INVS: variants seen among roughly 807,000 people sequenced by gnomAD.
The protein encoded by INVS is inversin, also known as inversion of embryo turning homolog.
In INVS, 86 loss-of-function variants were observed where a neutral mutation model predicts 108.8. The ratio of observed to expected loss-of-function variants is 0.79; its 90% CI spans 0.66 to 0.95. INVS has a LOEUF of 0.95. Ranked by LOEUF, INVS falls within the 40% of genes least tolerant of loss-of-function variation. INVS has a pLI of 0.00. For missense variants in INVS, 1,169 were observed against 1,297.4 expected (o/e 0.90, Z 1.52); for synonymous variants, 455 against 473.5 (o/e 0.96, Z 0.51).
intron 3 of INVS, among the ~76,000 whole-genome samples, chr9:100,154,228 A>G (rs771613175): frequency 6.6e-6 from 1 of 151,974 alleles, no homozygotes; most frequent in Non-Finnish European, 1.5e-5. Flanking sequence ...CAGTGGCACA[A>G]TCATGGCTCA....
At chr9:100,146,527 G>A (rs562009736) in intron 3 of INVS, among the ~76,000 whole-genome samples, 104 of 152,314 alleles carry the variant, frequency 6.8e-4, no homozygotes, top group African/African-American at 2.4e-3. Flanking sequence ...CTGACACTTT[G>A]TGTCTGGCTT....
At chr9:100,139,456 C>T (rs1024391575) in intron 3 of INVS, among the ~76,000 whole-genome samples, 3 of 152,166 alleles carry the variant, frequency 2.0e-5, no homozygotes, top group East Asian at 3.8e-4. Context: ...GTCTCTAGCC[C>T]TAGCCTCTCC....
chr9:100,144,700 T>C (rs1259288206), intron 3 of INVS, among the ~76,000 whole-genome samples: 1 of 151,856 alleles, frequency 6.6e-6, no homozygotes, highest in Non-Finnish European at 1.5e-5. Flanking sequence ...AGAAGGATTA[T>C]AGGGTGGAGG....
intron 3 of INVS, among the ~76,000 whole-genome samples, chr9:100,225,045 C>A (rs1831268801): frequency 6.6e-6 from 1 of 151,622 alleles, no homozygotes; most frequent in Non-Finnish European, 1.5e-5. Flanking sequence ...AGTCTGGGAT[C>A]CAAACTTGGT....
chr9:100,122,205 T>G (rs1006915363), intron 2 of INVS, among the ~76,000 whole-genome samples: 2 of 152,202 alleles, frequency 1.3e-5, no homozygotes, highest in Non-Finnish European at 1.5e-5. Context: ...ATTTTTGTGT[T>G]CAGTTCTTCT....
chr9:100,113,464 G>A (rs566424911), intron 2 of INVS, among the ~76,000 whole-genome samples: 1 of 152,290 alleles, frequency 6.6e-6, no homozygotes, highest in African/African-American at 2.4e-5. Context: ...GGGTTCCAGC[G>A]TATCCAAGAT....
chr9:100,230,049 C>T (rs1193008088), intron 5 of INVS, among the ~76,000 whole-genome samples: 2 of 152,106 alleles, frequency 1.3e-5, no homozygotes, highest in Non-Finnish European at 2.9e-5. Flanking sequence ...CATTCATTCC[C>T]CCTACGCCGT....
intron 1 of INVS, among the ~76,000 whole-genome samples, chr9:100,103,419 G>C (rs143606087): frequency 0.02 from 3,084 of 151,774 alleles, 59 homozygotes; most frequent in Middle Eastern, 0.071. Flanking sequence ...TTGAGATCAG[G>C]AGTTCGAGAC....
At chr9:100,225,924 C>T in intron 3 of INVS, 138 bp from the exon 4 acceptor site, 1 of 634,396 alleles carries the variant, frequency 1.6e-6, no homozygotes, top group Non-Finnish European at 2.7e-6. Context: ...AGTGGAATTA[C>T]AAGCATTTTT....
At chr9:100,281,089 T>C (rs1833261575) in intron 12 of INVS, among the ~76,000 whole-genome samples, 1 of 152,196 alleles carries the variant, frequency 6.6e-6, no homozygotes, top group Non-Finnish European at 1.5e-5. Flanking sequence ...TGAAGTGGCA[T>C]CCCCAGCTTC....
At chr9:100,263,738 A>AT (rs1044089434) in intron 10 of INVS, among the ~76,000 whole-genome samples, 18 of 152,080 alleles carry the variant, frequency 1.2e-4, no homozygotes, top group African/African-American at 2.7e-4. Flanking sequence ...GGAGTGCATT[A>AT]TTTTTTTTGG....
intron 1 of INVS, among the ~76,000 whole-genome samples, chr9:100,103,489 G>A (rs117437066): frequency 1.3e-5 from 2 of 151,936 alleles, no homozygotes; most frequent in South Asian, 2.1e-4. Context: ...TTAGCCGGTC[G>A]TGATGGCAGG....
chr9:100,121,610 A>G (rs1361944317), intron 2 of INVS, among the ~76,000 whole-genome samples: 1 of 152,116 alleles, frequency 6.6e-6, no homozygotes, highest in South Asian at 2.1e-4. Context: ...TTAATGATCA[A>G]TCTGATTAGA....
intron 1 of INVS, among the ~76,000 whole-genome samples, chr9:100,100,778 A>AC (rs1826866242): frequency 2.1e-4 from 3 of 13,978 alleles, no homozygotes; most frequent in Non-Finnish European, 1.9e-4. Context: ...ATGTATATAT[A>AC]ATATATATTA....
intron 12 of INVS, among the ~76,000 whole-genome samples, chr9:100,279,527 ACG>A (rs1417330603): frequency 3.3e-5 from 5 of 152,194 alleles, no homozygotes. Context: ...TAATTCAATA[ACG>A]CTCTTCCTAT....
In INVS at chr9:100,104,560, A is replaced by T. The variant is rs770840878; in HGVS notation, c.39A>T (p.Ser13=). Residue 13 remains serine (S), a synonymous_variant, in exon 2 of 17, where the codon TCA becomes TCT. Coordinates refer to ENST00000262457, the MANE Select transcript of INVS (RefSeq NM_014425.5). ...KSENLLFAGS[S]LASQVHAAAV... ...AGAACCTGCTGTTTGCTGGTTCATC[A>T]TTAGCATCACAAGTCCATGCTGCTG... 2.5e-6 allele frequency: 4 copies of T among 1,614,062 alleles called. No homozygotes were observed. Among genetic ancestry groups the T allele is most frequent in the Non-Finnish European group, 3.4e-6 (4 of 1,180,020 alleles).
chr9:100,298,610 G>A (rs573988276), intron 16 of INVS, among the ~76,000 whole-genome samples: 1 of 122,550 alleles, frequency 8.2e-6, no homozygotes, highest in Non-Finnish European at 1.8e-5. Context: ...ATGGCAACAC[G>A]CTCCCCCCTG....
intron 16 of INVS, 48 bp downstream of exon 16, chr9:100,298,058 C>G (rs751492150): frequency 7.1e-5 from 114 of 1,613,676 alleles, no homozygotes; most frequent in Non-Finnish European, 9.3e-5. Context: ...CATGGGGAAG[C>G]ATTTTCCTTT....
intron 3 of INVS, among the ~76,000 whole-genome samples, chr9:100,178,504 A>G (rs1209706077): frequency 1.3e-5 from 2 of 152,358 alleles, no homozygotes. Context: ...CGCAAGTATC[A>G]ATAGCTGAAT....
Sources: allele counts gnomAD v4.1 joint callset (sites outside exome capture counted in the v4.1 genomes callset), GRCh38; gene constraint gnomAD v4.1.1; transcripts MANE v1.5; gene names NCBI Gene and HGNC (gene_info 2026-07-23, HGNC 2026-07-21).